ADGRG7: variants seen among roughly 807,000 people sequenced by gnomAD.
ADGRG7 encodes the protein adhesion G protein-coupled receptor G7, also known as G-protein coupled receptor 128.
ADGRG7 carries 82 observed loss-of-function variants against 88.6 expected under a neutral mutation model. The observed-to-expected ratio is 0.93, with a 90% confidence interval of 0.77 to 1.11. The LOEUF is 1.11. ADGRG7 is among the 50% of genes most tolerant of loss of function. The pLI, the probability that ADGRG7 is intolerant of heterozygous loss-of-function variation, is 0.00. For synonymous variants in ADGRG7, 381 were observed against 345.2 expected, an observed-to-expected ratio of 1.10 and a Z score of -1.15; for missense variants, 945 against 953.4, an observed-to-expected ratio of 0.99 and a Z score of 0.12.
chr3:100,623,170 A>T (rs959474918), intron 1 of ADGRG7, among the ~76,000 whole-genome samples: 15 of 152,166 alleles, frequency 9.9e-5, no homozygotes, highest in African/African-American at 3.6e-4. Flanking sequence ...TTTAAAAAAC[A>T]ATCTTTAGCC....
intron 1 of ADGRG7, among the ~76,000 whole-genome samples, chr3:100,623,958 C>T (rs916801581): frequency 2.0e-5 from 3 of 152,076 alleles, no homozygotes; most frequent in East Asian, 1.9e-4. Context: ...CATTGATGGA[C>T]ATTTGGGTTG....
chr3:100,659,464 AGG>A (rs2094942262), intron 13 of ADGRG7, among the ~76,000 whole-genome samples: 4 of 148,768 alleles, frequency 2.7e-5, no homozygotes, highest in Non-Finnish European at 5.9e-5. Flanking sequence ...AAAAAAAAAA[AGG>A]CCCATCAATA....
intron 13 of ADGRG7, among the ~76,000 whole-genome samples, chr3:100,656,945 A>G (rs1029692681): frequency 1.3e-5 from 2 of 152,196 alleles, no homozygotes; most frequent in Admixed American, 1.3e-4. Context: ...ATCTAATTAG[A>G]GATACCCAAG....
At chr3:100,673,480 TTG>T (rs1222320978) in intron 15 of ADGRG7, among the ~76,000 whole-genome samples, 2 of 151,482 alleles carry the variant, frequency 1.3e-5, no homozygotes, top group African/African-American at 2.4e-5. Flanking sequence ...TTTTTTTTTT[TTG>T]ACAGAGTCTC....
chr3:100,616,446 A>G (rs1707226046), intron 1 of ADGRG7, among the ~76,000 whole-genome samples: 1 of 152,190 alleles, frequency 6.6e-6, no homozygotes, highest in Non-Finnish European at 1.5e-5. Flanking sequence ...TTGAAAAAGA[A>G]CCAAATAATA....
intron 13 of ADGRG7, among the ~76,000 whole-genome samples, chr3:100,657,936 G>A (rs1480335585): frequency 6.6e-6 from 1 of 152,046 alleles, no homozygotes; most frequent in Non-Finnish European, 1.5e-5. Flanking sequence ...ATCCTTTCAC[G>A]TGTATAATAA....
rs183451439 is a variant in ADGRG7 at position 100,675,574 on chromosome 3, T to C, written c.2136+6469T>C. Among the ~76,000 whole-genome samples the C allele has an allele frequency of 2.1e-4, 32 of 152,216 alleles. 2 individuals are homozygous for C. The highest frequency in any genetic ancestry group is 2.0e-3 in the Admixed American group (31 of 15,272). ...AGTTTCTTTCTTTCTTTCTTTCTTT[T>C]TGATGTGCCTTTTTCTGGTTTTGGC... is the stretch of plus-strand genomic sequence containing the variant. On this transcript the variant is annotated intron_variant, in intron 15 of 15. Coordinates refer to ENST00000273352, the MANE Select transcript of ADGRG7 (RefSeq NM_032787.3).
intron 11 of ADGRG7, 43 bp downstream of exon 11, chr3:100,649,850 C>T (rs762904785): frequency 1.9e-5 from 20 of 1,053,854 alleles, no homozygotes; most frequent in Middle Eastern, 2.0e-4. Context: ...AAATTGCTAT[C>T]TTGATATAAT....
At chr3:100,640,605 T>C (rs1707625202) in intron 6 of ADGRG7, among the ~76,000 whole-genome samples, 1 of 152,076 alleles carries the variant, frequency 6.6e-6, no homozygotes, top group Non-Finnish European at 1.5e-5. Context: ...CACCACAACC[T>C]CTGCCTCCCA....
intron 14 of ADGRG7, among the ~76,000 whole-genome samples, chr3:100,663,448 T>G (rs76399767): frequency 0.011 from 1,720 of 152,148 alleles, 29 homozygotes; most frequent in African/African-American, 0.039. Flanking sequence ...CTGGGTGGGT[T>G]TTCTCTCTCT....
intron 14 of ADGRG7, among the ~76,000 whole-genome samples, chr3:100,666,334 T>C (rs1424979575): frequency 6.6e-6 from 1 of 152,132 alleles, no homozygotes; most frequent in Non-Finnish European, 1.5e-5. Context: ...CGTGGGTGTT[T>C]CTCCGAGAGA....
Position 100,629,595 on chromosome 3 carries a change from T to C in ADGRG7, c.116-3T>C, listed in dbSNP as rs375466493. The C allele has an allele frequency of 6.9e-5, 110 of 1,602,602 alleles. No individual in the cohort carries two copies. Among genetic ancestry groups the C allele is most frequent in the Non-Finnish European group, 8.9e-5 (104 of 1,170,168 alleles). On this transcript the variant is annotated splice_polypyrimidine_tract_variant and splice_region_variant and intron_variant, in intron 1 of 15. Coordinates refer to ENST00000273352, the MANE Select transcript of ADGRG7 (RefSeq NM_032787.3). ...ACTATTCTGTTATTTATTGTTTCTTTAGGAAAATCTACTTCCTCATCAAGC... is the reference window on the plus strand; with the variant it reads ...ACTATTCTGTTATTTATTGTTTCTTCAGGAAAATCTACTTCCTCATCAAGC...
intron 15 of ADGRG7, among the ~76,000 whole-genome samples, chr3:100,690,844 G>A (rs192622395): frequency 0.024 from 3,585 of 152,284 alleles, 57 homozygotes; most frequent in Middle Eastern, 0.034. Context: ...CAGTCTGCCC[G>A]TTCTCAGATC....
Position 100,609,844 on chromosome 3 carries a change from G to A in ADGRG7, c.-13G>A. 1 of 1,606,038 alleles carries A rather than the reference G, an allele frequency of 6.2e-7. No homozygotes were observed. The highest frequency in any genetic ancestry group is 8.5e-7 in the Non-Finnish European group (1 of 1,172,874). Reference sequence around the variant, plus strand: ...TTTCTCACCCAGGAGTGGATTTGTGGTTTGGCTTCACCATGGCTTCCTGCC... The same window carrying A: ...TTTCTCACCCAGGAGTGGATTTGTGATTTGGCTTCACCATGGCTTCCTGCC... On this transcript the variant is annotated 5_prime_UTR_variant, in exon 1 of 16. Coordinates refer to ENST00000273352, the MANE Select transcript of ADGRG7 (RefSeq NM_032787.3).
chr3:100,637,075 A>G (rs1707556443), intron 5 of ADGRG7, among the ~76,000 whole-genome samples: 1 of 152,170 alleles, frequency 6.6e-6, no homozygotes, highest in South Asian at 2.1e-4. Flanking sequence ...CAGGGACTTA[A>G]ACCTCCTAAT....
chr3:100,655,849 A>T, intron 12 of ADGRG7, 50 bp from the exon 13 acceptor site: 1 of 1,060,256 alleles, frequency 9.4e-7, no homozygotes, highest in Non-Finnish European at 1.5e-6. Context: ...TTTTATAATT[A>T]ATCCAAGTCT....
At chr3:100,620,377 C>T (rs1707293761) in intron 1 of ADGRG7, among the ~76,000 whole-genome samples, 1 of 152,158 alleles carries the variant, frequency 6.6e-6, no homozygotes, top group Admixed American at 6.5e-5. Context: ...GCTAAAAACT[C>T]TCAATAAATT....
chr3:100,689,423 T>G (rs1053031046), intron 15 of ADGRG7, among the ~76,000 whole-genome samples: 1 of 151,786 alleles, frequency 6.6e-6, no homozygotes, highest in Non-Finnish European at 1.5e-5. Context: ...TGTCATTATG[T>G]TAGCCAGTTA....
In ADGRG7 at chr3:100,620,403, G is replaced by A. The variant is rs919817724; in HGVS notation, c.116-9195G>A. On this transcript the variant is annotated intron_variant, in intron 1 of 15. Coordinates refer to ENST00000273352, the MANE Select transcript of ADGRG7 (RefSeq NM_032787.3). Reference sequence around the variant, plus strand: ...TCAATAAATTAGGTATCGATGGGACGTATCTCAAAATAATAAGAGTTATCT... The same window carrying A: ...TCAATAAATTAGGTATCGATGGGACATATCTCAAAATAATAAGAGTTATCT... Among the ~76,000 whole-genome samples the A allele has an allele frequency of 1.1e-4, 16 of 152,212 alleles. 1 individual carries two copies. The South Asian group carries it at 1.2e-3, about 12-fold the overall frequency.
Sources: gnomAD v4.1 joint callset for allele counts (sites outside exome capture counted in the v4.1 genomes callset) on GRCh38, gnomAD v4.1.1 for gene constraint, MANE v1.5 for transcripts, NCBI Gene and HGNC (gene_info 2026-07-23, HGNC 2026-07-21) for gene names.